The following RSPH14 variants were observed in gnomAD, a reference collection of about 807,000 sequenced individuals.
RSPH14 encodes rhabdoid tumor deletion region gene 1.
Under a neutral mutation model 26.7 loss-of-function variants are expected in RSPH14, and 20 were observed. The ratio of observed to expected loss-of-function variants is 0.75; its 90% CI spans 0.53 to 1.09. The LOEUF is 1.09. Among genes scored for constraint, RSPH14 ranks in the 50% least tolerant of loss-of-function variants. The pLI is 0.00. For missense variants in RSPH14, 449 were observed against 457.2 expected (o/e 0.98, Z 0.16); for synonymous variants, 177 against 189.3 (o/e 0.93, Z 0.53).
rs371867355 is a variant in RSPH14 at position 23,075,173 on chromosome 22, ACCTG to A, written c.422-11044_422-11041del. On this transcript the variant is annotated intron_variant, in intron 4 of 6. Transcript: ENST00000216036. ...GGAAGGCCTGGAGGGTGGGCCCGCA[ACCTG>A]CCTGCTGCCCAGTCCCCACAGCATT... Among the ~76,000 whole-genome samples the A allele has an allele frequency of 1.1e-4, 16 of 152,174 alleles. No homozygotes were observed. In the East Asian group the frequency reaches 1.9e-3, roughly 18 times the overall value.
intron 4 of RSPH14, chr22:23,131,299 T>C: frequency 5.7e-6 from 1 of 176,890 alleles, no homozygotes; most frequent in South Asian, 1.3e-4. Context: ...AACAAGATTA[T>C]ATATCGTCCA....
At chr22:23,171,501 G>A in the RSPH14 span, among the ~76,000 whole-genome samples, 2 of 152,026 alleles carry the variant, frequency 1.3e-5, no homozygotes, top group Admixed American at 1.3e-4. Flanking sequence ...ACAAATTTTG[G>A]GGGACACAAA....
intron 4 of RSPH14, chr22:23,123,188 G>A: frequency 6.2e-7 from 1 of 1,614,018 alleles, no homozygotes; most frequent in South Asian, 1.1e-5. Flanking sequence ...AGGACCTGCT[G>A]GCAGAGAAGA....
intron 5 of RSPH14, among the ~76,000 whole-genome samples, chr22:23,062,402 T>G (rs1248070769): frequency 1.3e-5 from 2 of 152,164 alleles, no homozygotes; most frequent in East Asian, 3.9e-4. Context: ...CCACTTACTC[T>G]GGCACTGAAT....
chr22:23,150,749 G>A, the RSPH14 span, among the ~76,000 whole-genome samples: 2 of 152,042 alleles, frequency 1.3e-5, no homozygotes, highest in Non-Finnish European at 2.9e-5. Flanking sequence ...TAATCCCCTC[G>A]CTTCCCCTTC....
At chr22:23,092,621 G>A (rs558997558) in intron 4 of RSPH14, among the ~76,000 whole-genome samples, 10 of 152,134 alleles carry the variant, frequency 6.6e-5, no homozygotes, top group Non-Finnish European at 1.3e-4. Context: ...CGTTGCCGGC[G>A]CACACTGATC....
intron 4 of RSPH14, chr22:23,124,328 TCAGGTGG>T (rs1211526199): frequency 2.5e-6 from 1 of 398,560 alleles, no homozygotes. Flanking sequence ...ATATTTTTTT[TCAGGTGG>T]TCTTTTTTGT....
chr22:23,168,846 G>A, the RSPH14 span, among the ~76,000 whole-genome samples: 1 of 152,186 alleles, frequency 6.6e-6, no homozygotes, highest in Non-Finnish European at 1.5e-5. Flanking sequence ...TGGGATACAT[G>A]GTGGGTGGTC....
chr22:23,136,115 G>T, intron 3 of RSPH14: 2 of 600,942 alleles, frequency 3.3e-6, no homozygotes, highest in Non-Finnish European at 6.1e-6. Context: ...TCCTTGGTCC[G>T]TGTCTAGTCA....
chr22:23,165,437 G>A, the RSPH14 span, among the ~76,000 whole-genome samples: 2 of 152,196 alleles, frequency 1.3e-5, no homozygotes, highest in Admixed American at 6.5e-5. Context: ...TGGGGCTGGA[G>A]GATATGTTCT....
At chr22:23,173,128 CTTTCTTTT>C in the RSPH14 span, among the ~76,000 whole-genome samples, 7 of 151,884 alleles carry the variant, frequency 4.6e-5, no homozygotes, top group South Asian at 2.1e-4. Context: ...CAGTTTCTTT[CTTTCTTTT>C]TTTCTTTTTT....
rs2068317329 is a variant in RSPH14 at position 23,070,328 on chromosome 22, G to A, written c.422-6195C>T. 3.4e-5 allele frequency: 5 copies of A among 144,942 alleles called. No homozygotes were observed. In the South Asian group the frequency reaches 1.0e-3, roughly 30 times the overall value. The allele number at this position is 144,942 out of a possible 1,614,324, so 9.0% of individuals were successfully genotyped here. ...TCCGCCCCCTGCCGGCGGCGGCGCG[G>A]CGCGGGGCGGGCGGACCCGCGGACT... is the stretch of plus-strand genomic sequence containing the variant. On this transcript the variant is annotated intron_variant, in intron 4 of 6. Transcript: ENST00000216036.
At chr22:23,060,266 T>C (rs1483470137) in intron 6 of RSPH14, among the ~76,000 whole-genome samples, 2 of 151,986 alleles carry the variant, frequency 1.3e-5, no homozygotes, top group East Asian at 1.9e-4. Context: ...GGTCAGGAGA[T>C]TGTGACCATC....
At chr22:23,072,306 G>C (rs1301065836) in intron 4 of RSPH14, among the ~76,000 whole-genome samples, 2 of 152,134 alleles carry the variant, frequency 1.3e-5, no homozygotes, top group Non-Finnish European at 2.9e-5. Flanking sequence ...GGGTGCAGTG[G>C]GGGTGTGGAT....
chr22:23,164,800 C>T, the RSPH14 span, among the ~76,000 whole-genome samples: 3 of 152,162 alleles, frequency 2.0e-5, no homozygotes, highest in African/African-American at 7.2e-5. Context: ...GCTGGAGACA[C>T]GTACCTGAAG....
chr22:23,080,594 G>C (rs757440252), intron 4 of RSPH14, among the ~76,000 whole-genome samples: 4 of 152,240 alleles, frequency 2.6e-5, no homozygotes, highest in Admixed American at 6.5e-5. Flanking sequence ...GCAGGTGCAA[G>C]GCCCATCAGG....
At chr22:23,166,147 T>TAAAAAAA in the RSPH14 span, among the ~76,000 whole-genome samples, 40 of 59,886 alleles carry the variant, frequency 6.7e-4, no homozygotes, top group African/African-American at 2.7e-3. Flanking sequence ...CTCTGTCTTT[T>TAAAAAAA]AAAAAAAAAA....
At chr22:23,153,751 C>A in the RSPH14 span, 3 of 613,894 alleles carry the variant, frequency 4.9e-6, no homozygotes, top group Non-Finnish European at 5.9e-6. Context: ...GGCTGGAGTG[C>A]AGTGGCGCAA....
At chr22:23,115,374 G>C (rs2069796048) in intron 4 of RSPH14, among the ~76,000 whole-genome samples, 1 of 152,200 alleles carries the variant, frequency 6.6e-6, no homozygotes, top group African/African-American at 2.4e-5. Context: ...ATCCAGAGTA[G>C]GGAGGTGACG....
Sources: gnomAD v4.1 joint callset for allele counts (sites outside exome capture counted in the v4.1 genomes callset) on GRCh38, gnomAD v4.1.1 for gene constraint, MANE v1.5 for transcripts, NCBI Gene and HGNC (gene_info 2026-07-23, HGNC 2026-07-21) for gene names.